The following SOAT1 variants were observed in gnomAD, a reference collection of about 807,000 sequenced individuals.
The protein encoded by SOAT1 is sterol O-acyltransferase 1.
A neutral mutation model predicts 69.5 loss-of-function variants in SOAT1; 55 were observed. The ratio of observed to expected loss-of-function variants is 0.79; its 90% CI spans 0.64 to 0.99. SOAT1 has a LOEUF of 0.99. Ranked by LOEUF, SOAT1 falls within the 50% of genes least tolerant of loss-of-function variation. SOAT1 has a pLI of 0.00. For missense variants in SOAT1, 580 were observed against 669.3 expected, an observed-to-expected ratio of 0.87 and a Z score of 1.47; for synonymous variants, 231 against 224.7, an observed-to-expected ratio of 1.03 and a Z score of -0.25.
In SOAT1 at chr1:179,302,813, A is replaced by T. The variant is rs917018726; in HGVS notation, c.118+11A>T. 71 of 1,230,972 alleles carry T rather than the reference A, an allele frequency of 5.8e-5. No homozygotes were observed. The highest frequency in any genetic ancestry group is 7.2e-5 in the Non-Finnish European group (65 of 907,934). 76.3% of individuals were successfully genotyped at this position (1,230,972 alleles called of 1,614,324 possible). A position where few individuals can be genotyped will look rare whatever the true frequency, so the allele number is the denominator to read the frequency against. On this transcript the variant is annotated intron_variant, in intron 2 of 15. Transcript: ENST00000367619. ...AGACACCTAGTAATGGTGAGGCTTA[A>T]TTTTTTTTTTTTAGGTGAATTAGTG...
chr1:179,313,572 GTGTATATATA>G (rs1261285098), intron 2 of SOAT1, among the ~76,000 whole-genome samples: 1 of 151,038 alleles, frequency 6.6e-6, no homozygotes, highest in Non-Finnish European at 1.5e-5. Flanking sequence ...ATGTATATGT[GTGTATATATA>G]TGTATATATA....
intron 6 of SOAT1, 35 bp from the exon 7 acceptor site, chr1:179,340,993 C>T: frequency 6.3e-7 from 1 of 1,597,164 alleles, no homozygotes; most frequent in Non-Finnish European, 8.5e-7. Context: ...TAAAAATTCA[C>T]CTCTATGTTC....
At chr1:179,317,648 T>C (rs2124956442) in intron 2 of SOAT1, among the ~76,000 whole-genome samples, 1 of 152,080 alleles carries the variant, frequency 6.6e-6, no homozygotes, top group South Asian at 2.1e-4. Flanking sequence ...TAGGTTTTTT[T>C]TTTTTTTTAA....
intron 2 of SOAT1, among the ~76,000 whole-genome samples, chr1:179,307,032 G>A (rs1665032675): frequency 6.6e-6 from 1 of 152,092 alleles, no homozygotes; most frequent in African/African-American, 2.4e-5. Context: ...AATGAAAGAC[G>A]ACTATGTTTT....
At chr1:179,352,467 A>G (rs1445238230) in intron 15 of SOAT1, among the ~76,000 whole-genome samples, 42 of 152,136 alleles carry the variant, frequency 2.8e-4, no homozygotes, top group Non-Finnish European at 4.4e-5. Flanking sequence ...GGCGTGTCCT[A>G]TATTTAACAT....
intron 3 of SOAT1, among the ~76,000 whole-genome samples, chr1:179,330,774 G>A (rs1571434822): frequency 6.6e-6 from 1 of 152,210 alleles, no homozygotes; most frequent in East Asian, 1.9e-4. Flanking sequence ...TGCCCACATG[G>A]CTCTAGTCAT....
chr1:179,306,212 A>G (rs978890864), intron 2 of SOAT1, among the ~76,000 whole-genome samples: 8 of 152,180 alleles, frequency 5.3e-5, no homozygotes, highest in African/African-American at 1.9e-4. Context: ...GTAAGTAAGA[A>G]GATAAGGCTC....
rs571971292 is a variant in SOAT1 at position 179,354,932 on chromosome 1, G to A, written c.*1291G>A. 1 of 152,290 alleles carries A rather than the reference G, an allele frequency of 6.6e-6. No individual in the cohort carries two copies. The highest frequency in any genetic ancestry group is 2.4e-5 in the African/African-American group (1 of 41,562). 9.4% of individuals were successfully genotyped at this position (152,290 alleles called of 1,614,324 possible). A position where few individuals can be genotyped will look rare whatever the true frequency, so the allele number is the denominator to read the frequency against. On this transcript the variant is annotated 3_prime_UTR_variant, in exon 16 of 16. Coordinates refer to ENST00000367619, the MANE Select transcript of SOAT1 (RefSeq NM_003101.6). Reference sequence around the variant, plus strand: ...TTATTTAAATGATAGTTGTTACTTGGAACAGCCACTTGAGAGGCTCTCTTG... The same window carrying A: ...TTATTTAAATGATAGTTGTTACTTGAAACAGCCACTTGAGAGGCTCTCTTG...
At chr1:179,329,714 CAA>C (rs745468620) in intron 3 of SOAT1, among the ~76,000 whole-genome samples, 24 of 111,298 alleles carry the variant, frequency 2.2e-4, no homozygotes, top group Admixed American at 1.9e-4. Context: ...GACTTCATCT[CAA>C]AAAAAAAAAA....
At position 179,341,024 on chromosome 1, in the gene SOAT1, C is replaced by G. The variant is rs760669964; in HGVS notation, c.498-4C>G. On this transcript the variant is annotated splice_polypyrimidine_tract_variant and splice_region_variant and intron_variant, in intron 6 of 15. Coordinates refer to ENST00000367619, the MANE Select transcript of SOAT1 (RefSeq NM_003101.6). ...TGTTCTTTTTCTGTACCTTTTCTCC[C>G]CAGGCTGGTGCTTGAGTTCAGCCTC... is the stretch of plus-strand genomic sequence containing the variant. 1 of 1,612,976 alleles carries G rather than the reference C, an allele frequency of 6.2e-7. No homozygotes were observed. Among genetic ancestry groups the G allele is most frequent in the South Asian group, 1.1e-5 (1 of 90,996 alleles).
rs1666915344 is a variant in SOAT1, at chr1:179,356,591, G to C, written c.*2950G>C. 1 of 150,716 alleles carries C rather than the reference G, an allele frequency of 6.6e-6. No homozygotes were observed. The highest frequency in any genetic ancestry group is 6.7e-5 in the Admixed American group (1 of 15,034). 9.3% of individuals were successfully genotyped at this position (150,716 alleles called of 1,614,324 possible). On this transcript the variant is annotated 3_prime_UTR_variant, in exon 16 of 16. Coordinates refer to ENST00000367619, the MANE Select transcript of SOAT1 (RefSeq NM_003101.6). ...GCTGGTCTCAAACTCCTGGAGTCAA[G>C]GGATCTATTTGCCTCAGCCTCTCAA...
At chr1:179,317,259 C>T (rs1488379186) in intron 2 of SOAT1, among the ~76,000 whole-genome samples, 4 of 152,124 alleles carry the variant, frequency 2.6e-5, no homozygotes, top group African/African-American at 9.7e-5. Flanking sequence ...GCTGGCCTGG[C>T]GCGGTGGCTC....
intron 2 of SOAT1, among the ~76,000 whole-genome samples, chr1:179,309,089 A>G (rs1427539844): frequency 6.6e-6 from 1 of 152,126 alleles, no homozygotes; most frequent in Non-Finnish European, 1.5e-5. Flanking sequence ...CCTATAGGAT[A>G]CATTCTTTTT....
intron 3 of SOAT1, among the ~76,000 whole-genome samples, chr1:179,330,032 C>G (rs866923387): frequency 1.1e-4 from 16 of 152,236 alleles, no homozygotes; most frequent in African/African-American, 3.9e-4. Context: ...TTCTTACCCT[C>G]TGCACAGACA....
intron 15 of SOAT1, among the ~76,000 whole-genome samples, chr1:179,353,199 T>TTATAAATATATA (rs1666793768): frequency 8.3e-5 from 1 of 11,998 alleles, no homozygotes; most frequent in Non-Finnish European, 2.2e-4. Flanking sequence ...TAAATGGTGG[T>TTATAAATATATA]TATATATAAA....
At chr1:179,295,797 C>T (rs1421639406) in intron 1 of SOAT1, among the ~76,000 whole-genome samples, 1 of 129,690 alleles carries the variant, frequency 7.7e-6, no homozygotes, top group East Asian at 2.6e-4. Flanking sequence ...TCCCAGTACG[C>T]CCGGCTAATT....
intron 2 of SOAT1, among the ~76,000 whole-genome samples, chr1:179,312,709 G>T (rs1665261063): frequency 1.3e-5 from 2 of 152,158 alleles, no homozygotes; most frequent in Admixed American, 1.3e-4. Context: ...TATAACTAAG[G>T]TTCTCTCCCT....
Position 179,332,814 on chromosome 1 carries a change from A to G in SOAT1, c.178-2692A>G, listed in dbSNP as rs113940303. On this transcript the variant is annotated intron_variant, in intron 3 of 15. Coordinates refer to ENST00000367619, the MANE Select transcript of SOAT1 (RefSeq NM_003101.6). The stretch of plus-strand genomic sequence containing the variant: ...GCAGAAGTGGACTGTTTCTTGTACT[A>G]TATTTCTTAATATTCCCTCTTACAA... 7.8e-3 allele frequency among the ~76,000 whole-genome samples: 1,181 copies of G among 152,340 alleles called. 7 individuals carry two copies. Among genetic ancestry groups the G allele is most frequent in the African/African-American group, 0.026 (1,100 of 41,584 alleles).
intron 2 of SOAT1, among the ~76,000 whole-genome samples, chr1:179,317,880 G>A (rs1432379138): frequency 1.3e-5 from 2 of 151,982 alleles, no homozygotes; most frequent in African/African-American, 4.8e-5. Context: ...AATGGCAGAT[G>A]GCATTCAAAA....
Sources: gnomAD v4.1 joint callset for allele counts (sites outside exome capture counted in the v4.1 genomes callset) on GRCh38, gnomAD v4.1.1 for gene constraint, MANE v1.5 for transcripts, NCBI Gene and HGNC (gene_info 2026-07-23, HGNC 2026-07-21) for gene names.